Variants in FAM135B observed in about 807,000 individuals in gnomAD.
FAM135B encodes family with sequence similarity 135 member B.
In FAM135B, 43 loss-of-function variants were observed where a neutral mutation model predicts 127.7. That is an observed-to-expected ratio of 0.34 (90% CI 0.26 to 0.43). The LOEUF (loss-of-function observed/expected upper bound fraction) is 0.43, where lower values mean the gene tolerates loss of function less well. Among genes scored for constraint, FAM135B ranks in the 20% least tolerant of loss-of-function variants. The probability of loss-of-function intolerance (pLI) is 1.00; values close to 1 mark genes in which losing one functional copy is unlikely to be tolerated. For missense variants in FAM135B, 1,558 were observed against 1,725.6 expected (o/e 0.90, Z 1.72); for synonymous variants, 670 against 665.1 (o/e 1.01, Z -0.11).
At chr8:138,282,368 C>T (rs1355684644) in intron 3 of FAM135B, among the ~76,000 whole-genome samples, 1 of 152,016 alleles carries the variant, frequency 6.6e-6, no homozygotes, top group Non-Finnish European at 1.5e-5. Context: ...AGAAAAAAAT[C>T]ATTGCCAAGA....
Position 138,139,063 on chromosome 8 carries a change from C to T in FAM135B, c.3824G>A (p.Gly1275Glu). 6.2e-7 allele frequency: 1 copy of T among 1,613,526 alleles called. No individual in the cohort carries two copies. The highest frequency in any genetic ancestry group is 8.5e-7 in the Non-Finnish European group (1 of 1,179,588). Residue 1275 changes from glycine to glutamate, a missense_variant, in exon 18 of 20, where the codon GGG becomes GAG. Physicochemically the swap from Gly to Glu is moderately conservative, Grantham distance 98 (BLOSUM62 -2). This residue lies in a region of FAM135B where 194 missense variants were observed against 333.8 expected (regional missense o/e 0.58). Transcript: ENST00000395297. Reference sequence around the variant, plus strand: ...CCTGAAGGTCAGCTGCAGTAGAGACCCGGATTTCTTCAGTTTCTGCATGAG... The same window carrying T: ...CCTGAAGGTCAGCTGCAGTAGAGACTCGGATTTCTTCAGTTTCTGCATGAG... Reference protein sequence around the residue: ...LWLMQKLKKSGSLLQLTFRDN... With the variant: ...LWLMQKLKKSESLLQLTFRDN...
At position 138,242,829 on chromosome 8, in the gene FAM135B, A is replaced by T; in HGVS notation, c.669+113T>A. 1 of 1,424,058 alleles carries T rather than the reference A, an allele frequency of 7.0e-7. No individual in the cohort carries two copies. Among genetic ancestry groups the T allele is most frequent in the Non-Finnish European group, 9.3e-7 (1 of 1,069,828 alleles). 88.2% of individuals were successfully genotyped at this position (1,424,058 alleles called of 1,614,324 possible). ...GGAAGATGGTGAAAGGAAGGGTCAA[A>T]TTAGCAAAAATCTCTGAAGGGGATG... On this transcript the variant is annotated intron_variant, in intron 7 of 19. Transcript: ENST00000395297. This position sits in a 1 kb window ranked among gnomAD's most constrained non-coding sequence, Gnocchi z 9.6.
intron 1 of FAM135B, among the ~76,000 whole-genome samples, chr8:138,430,831 G>A (rs1199334114): frequency 6.6e-6 from 1 of 152,072 alleles, no homozygotes; most frequent in Non-Finnish European, 1.5e-5. Flanking sequence ...CTGTTCTTTG[G>A]AGTCAAACAT....
chr8:138,163,693 T>C (rs1048340586), intron 12 of FAM135B, among the ~76,000 whole-genome samples: 1 of 152,160 alleles, frequency 6.6e-6, no homozygotes, highest in African/African-American at 2.4e-5. Flanking sequence ...GTGAGTCCAT[T>C]AAACCTCTTT....
intron 2 of FAM135B, among the ~76,000 whole-genome samples, chr8:138,311,619 C>A (rs1826689623): frequency 6.6e-6 from 1 of 152,158 alleles, no homozygotes; most frequent in Non-Finnish European, 1.5e-5. Flanking sequence ...TCTTCTTTTA[C>A]TGATTTGAAA....
At chr8:138,138,465 C>G (rs1464751010) in intron 18 of FAM135B, among the ~76,000 whole-genome samples, 1 of 152,232 alleles carries the variant, frequency 6.6e-6, no homozygotes, top group Non-Finnish European at 1.5e-5. Context: ...CGGCAATGAT[C>G]ACCATTACTG....
intron 12 of FAM135B, among the ~76,000 whole-genome samples, chr8:138,162,665 T>C (rs1366882742): frequency 6.6e-6 from 1 of 152,200 alleles, no homozygotes; most frequent in Non-Finnish European, 1.5e-5. Flanking sequence ...TGCTGGGGAA[T>C]ATGAAATGAG....
At chr8:138,143,940 C>T (rs897205509) in intron 15 of FAM135B, among the ~76,000 whole-genome samples, 7 of 152,126 alleles carry the variant, frequency 4.6e-5, no homozygotes, top group African/African-American at 1.7e-4. Flanking sequence ...TGTCACCTGC[C>T]ATCCAATGAG....
At chr8:138,162,667 T>C (rs1819514439) in intron 12 of FAM135B, among the ~76,000 whole-genome samples, 1 of 152,176 alleles carries the variant, frequency 6.6e-6, no homozygotes, top group Admixed American at 6.5e-5. Flanking sequence ...CTGGGGAATA[T>C]GAAATGAGCT....
At chr8:138,154,716 A>C (rs993869742) in intron 12 of FAM135B, among the ~76,000 whole-genome samples, 1 of 152,202 alleles carries the variant, frequency 6.6e-6, no homozygotes. Context: ...CAAATGAATG[A>C]AATGAAGTGA....
chr8:138,496,533 G>A (rs1346979286), intron 1 of FAM135B, 138 bp downstream of exon 1: 1 of 152,428 alleles, frequency 6.6e-6, no homozygotes, highest in African/African-American at 2.4e-5. Flanking sequence ...GGAAAATCGA[G>A]GGAGATAAAC....
At chr8:138,491,159 A>G (rs1815183799) in intron 1 of FAM135B, among the ~76,000 whole-genome samples, 1 of 146,076 alleles carries the variant, frequency 6.8e-6, no homozygotes, top group African/African-American at 2.7e-5. Context: ...AAAAAAAAAA[A>G]GAAAGAAAGA....
chr8:138,286,717 C>T (rs1191618726), intron 3 of FAM135B, among the ~76,000 whole-genome samples: 1 of 152,190 alleles, frequency 6.6e-6, no homozygotes. Flanking sequence ...AAGACTCCAG[C>T]AGGAGATTTC....
chr8:138,189,107 G>C (rs753456204), intron 9 of FAM135B, among the ~76,000 whole-genome samples: 9 of 152,184 alleles, frequency 5.9e-5, no homozygotes, highest in Non-Finnish European at 1.2e-4. Flanking sequence ...TATACCAACA[G>C]AGAGAGGAGA....
intron 1 of FAM135B, among the ~76,000 whole-genome samples, chr8:138,486,518 A>G (rs1244368470): frequency 2.0e-5 from 3 of 152,192 alleles, no homozygotes; most frequent in Non-Finnish European, 2.9e-5. Flanking sequence ...TGTTCTTCCG[A>G]GAATTGCCCA....
In FAM135B at chr8:138,256,735, C is replaced by A. The variant is rs376116724; in HGVS notation, c.322G>T (p.Asp108Tyr). The A allele has an allele frequency of 3.1e-6, 5 of 1,613,836 alleles. No homozygotes were observed. The highest frequency in any genetic ancestry group is 4.2e-6 in the Non-Finnish European group (5 of 1,179,916). ...TGCAGATCCACCTTGAGTTGAAAATCTACTTCACTCAGTGCGTCTTCCATC... is the reference window on the plus strand; with the variant it reads ...TGCAGATCCACCTTGAGTTGAAAATATACTTCACTCAGTGCGTCTTCCATC... The part of the protein sequence containing the change: ...ERMEDALSEV[D>Y]FQLKVDLHFT... Residue 108 changes from aspartate (D) to tyrosine (Y), a missense_variant, in exon 5 of 20, where the codon GAT becomes TAT. Physicochemically the swap from Asp to Tyr is radical, Grantham distance 160 (BLOSUM62 -3). This residue lies in a region of FAM135B where 199 missense variants were observed against 245.7 expected (regional missense o/e 0.81). Transcript: ENST00000395297.
rs142127569 is a variant in FAM135B at position 138,495,189 on chromosome 8, A to G, written c.-20+1482T>C. ...AAAGCCCTTCCCAAACATCCTCTCC[A>G]CATCCCATTGGATTGTGATTGAGCC... On this transcript the variant is annotated intron_variant, in intron 1 of 19. Transcript: ENST00000395297. Among the ~76,000 whole-genome samples, 76 of 152,374 alleles carry G rather than the reference A, an allele frequency of 5.0e-4. 1 individual carries two copies. Among genetic ancestry groups the G allele is most frequent in the Middle Eastern group, 3.4e-3 (1 of 294 alleles).
chr8:138,440,290 G>C (rs936214366), intron 1 of FAM135B: 2 of 152,034 alleles, frequency 1.3e-5, no homozygotes, highest in South Asian at 2.1e-4. Context: ...CCAGAAGAAG[G>C]CATATTTCTG....
At chr8:138,438,397 G>A (rs1359638373) in intron 1 of FAM135B, 2 of 152,114 alleles carry the variant, frequency 1.3e-5, no homozygotes, top group African/African-American at 4.8e-5. Flanking sequence ...AGTAGAAAGA[G>A]TGATAATATG....
Sources: gnomAD v4.1 joint callset for allele counts (sites outside exome capture counted in the v4.1 genomes callset) on GRCh38, gnomAD v4.1.1 for gene constraint, gnomAD v4.1.1 regional missense constraint, Gnocchi (gnomAD v3.1) non-coding constraint, MANE v1.5 for transcripts, NCBI Gene and HGNC (gene_info 2026-07-23, HGNC 2026-07-21) for gene names.